Variants in ARMH4 observed in about 807,000 individuals in gnomAD.
ARMH4 encodes the protein armadillo-like helical domain-containing protein 4.
Under a neutral mutation model 61.9 loss-of-function variants are expected in ARMH4, and 49 were observed. That is an observed-to-expected ratio of 0.79 (90% CI 0.63 to 1.00). The LOEUF (loss-of-function observed/expected upper bound fraction) is 1.00, where lower values mean the gene tolerates loss of function less well. Among genes scored for constraint, ARMH4 ranks in the 50% least tolerant of loss-of-function variants. The pLI, the probability that ARMH4 is intolerant of heterozygous loss-of-function variation, is 0.00. For synonymous variants in ARMH4, 368 were observed against 341.5 expected, an observed-to-expected ratio of 1.08 and a Z score of -0.85; for missense variants, 934 against 930.0, an observed-to-expected ratio of 1.00 and a Z score of -0.06.
intron 5 of ARMH4, among the ~76,000 whole-genome samples, chr14:58,078,406 T>C (rs894816056): frequency 9.2e-5 from 14 of 152,238 alleles, no homozygotes; most frequent in African/African-American, 3.4e-4. Context: ...GTACTGTCTC[T>C]GAGGTGCAGC....
intron 4 of ARMH4, among the ~76,000 whole-genome samples, chr14:58,102,448 T>A (rs1234664250): frequency 6.6e-6 from 1 of 152,080 alleles, no homozygotes; most frequent in East Asian, 1.9e-4. Flanking sequence ...TACAAGTAAG[T>A]TAAAGATCTT....
At chr14:58,027,212 A>G (rs1393603782) in intron 5 of ARMH4, among the ~76,000 whole-genome samples, 4 of 152,252 alleles carry the variant, frequency 2.6e-5, no homozygotes, top group Non-Finnish European at 5.9e-5. Context: ...TGTAAGATAA[A>G]TAAGTTCTGG....
intron 5 of ARMH4, among the ~76,000 whole-genome samples, chr14:58,055,486 A>T (rs552438363): frequency 6.6e-6 from 1 of 152,318 alleles, no homozygotes; most frequent in South Asian, 2.1e-4. Context: ...AAGATAACAG[A>T]TACAAATCAC....
At chr14:58,102,552 C>T (rs1187454465) in intron 4 of ARMH4, among the ~76,000 whole-genome samples, 1 of 152,048 alleles carries the variant, frequency 6.6e-6, no homozygotes, top group Non-Finnish European at 1.5e-5. Flanking sequence ...TGGCTCACGC[C>T]TGTAATCCCA....
chr14:58,043,117 A>C (rs1883787042), intron 5 of ARMH4, among the ~76,000 whole-genome samples: 1 of 152,222 alleles, frequency 6.6e-6, no homozygotes, highest in African/African-American at 2.4e-5. Flanking sequence ...GGCCAGCATC[A>C]TACTGATACC....
At chr14:58,011,967 C>CT in intron 6 of ARMH4, 152 bp downstream of exon 6, 5 of 589,178 alleles carry the variant, frequency 8.5e-6, no homozygotes, top group South Asian at 2.1e-5. Context: ...GGAAGGGCTT[C>CT]TTTTTTGCAG....
At chr14:58,127,263 T>A (rs896202163) in intron 4 of ARMH4, among the ~76,000 whole-genome samples, 13 of 152,190 alleles carry the variant, frequency 8.5e-5, no homozygotes, top group African/African-American at 3.1e-4. Context: ...ATAATCCCCA[T>A]GTGCCATGGG....
At chr14:58,059,078 T>G (rs1424666393) in intron 5 of ARMH4, among the ~76,000 whole-genome samples, 1 of 152,214 alleles carries the variant, frequency 6.6e-6, no homozygotes, top group Non-Finnish European at 1.5e-5. Context: ...AATCTTTAAA[T>G]GCTGAACCAT....
chr14:58,052,048 C>T (rs1375832838), intron 5 of ARMH4, among the ~76,000 whole-genome samples: 1 of 152,182 alleles, frequency 6.6e-6, no homozygotes, highest in Non-Finnish European at 1.5e-5. Context: ...CCTCCCTGCC[C>T]TGCCCTTACT....
At chr14:58,147,315 GGT>G (rs1887766391) in intron 1 of ARMH4, among the ~76,000 whole-genome samples, 1 of 126,758 alleles carries the variant, frequency 7.9e-6, no homozygotes, top group Non-Finnish European at 1.7e-5. Flanking sequence ...CAATCCAGAT[GGT>G]TTTTTTTTTT....
intron 4 of ARMH4, among the ~76,000 whole-genome samples, chr14:58,129,386 A>G (rs1294383575): frequency 2.6e-5 from 4 of 152,248 alleles, no homozygotes; most frequent in Non-Finnish European, 5.9e-5. Context: ...CTCATTTCCC[A>G]GAGAAATGCT....
At chr14:58,045,719 G>A (rs1023196424) in intron 5 of ARMH4, among the ~76,000 whole-genome samples, 4 of 152,012 alleles carry the variant, frequency 2.6e-5, no homozygotes, top group African/African-American at 9.7e-5. Flanking sequence ...TTGGAATTAG[G>A]GTGGTCACAG....
In ARMH4 at chr14:58,138,496, T is replaced by A; in HGVS notation, c.863A>T (p.Asp288Val). 1 of 1,614,252 alleles carries A rather than the reference T, an allele frequency of 6.2e-7. No individual in the cohort carries two copies. The highest frequency in any genetic ancestry group is 8.5e-7 in the Non-Finnish European group (1 of 1,180,044). Residue 288 changes from aspartate (D) to valine (V), a missense_variant, in exon 2 of 8, where the codon GAT (aspartate) becomes GTT (valine). Asp to Val is a radical substitution (Grantham distance 152). Coordinates refer to ENST00000267485, the MANE Select transcript of ARMH4 (RefSeq NM_001001872.4). ...EYTLSVEPETDSLLGAPEVTV... is the reference protein window; with the variant it reads ...EYTLSVEPETVSLLGAPEVTV... ...GACTTCTGGGGCTCCCAGCAGACTATCAGTTTCTGGCTCAACACTCAGGGT... is the reference window on the plus strand; with the variant it reads ...GACTTCTGGGGCTCCCAGCAGACTAACAGTTTCTGGCTCAACACTCAGGGT...
chr14:58,148,175 T>C (rs1043412570), intron 1 of ARMH4, among the ~76,000 whole-genome samples: 2 of 152,066 alleles, frequency 1.3e-5, no homozygotes, highest in African/African-American at 4.8e-5. Context: ...GCCTCCCGAG[T>C]AGCTAGGATA....
intron 4 of ARMH4, among the ~76,000 whole-genome samples, chr14:58,128,713 A>G (rs1220762947): frequency 6.6e-6 from 1 of 152,204 alleles, no homozygotes; most frequent in Non-Finnish European, 1.5e-5. Context: ...ACCAATTCAC[A>G]TCACTCAGGT....
At chr14:58,108,170 T>C (rs1324705290) in intron 4 of ARMH4, among the ~76,000 whole-genome samples, 1 of 152,146 alleles carries the variant, frequency 6.6e-6, no homozygotes, top group Non-Finnish European at 1.5e-5. Context: ...ATCATAAGGT[T>C]CTAAGGGATA....
chr14:58,041,448 T>C (rs894045953), intron 5 of ARMH4, among the ~76,000 whole-genome samples: 50 of 152,110 alleles, frequency 3.3e-4, no homozygotes, highest in Non-Finnish European at 1.0e-4. Flanking sequence ...AAGGGAACAC[T>C]AAACATGGAA....
intron 5 of ARMH4, among the ~76,000 whole-genome samples, chr14:58,031,830 G>A (rs899558992): frequency 2.0e-5 from 3 of 152,006 alleles, no homozygotes; most frequent in African/African-American, 7.3e-5. Flanking sequence ...TCCAAGCCAC[G>A]CCACCTTCAT....
At chr14:58,130,090 C>T (rs1887037472) in intron 4 of ARMH4, among the ~76,000 whole-genome samples, 1 of 152,118 alleles carries the variant, frequency 6.6e-6, no homozygotes, top group African/African-American at 2.4e-5. Flanking sequence ...ATTTAATGAG[C>T]CCTGCTGGGT....
Sources: gnomAD v4.1 joint callset for allele counts (sites outside exome capture counted in the v4.1 genomes callset) on GRCh38, gnomAD v4.1.1 for gene constraint, MANE v1.5 for transcripts, NCBI Gene and HGNC (gene_info 2026-07-23, HGNC 2026-07-21) for gene names.